Variants in GPC5 observed in about 807,000 individuals in gnomAD.
GPC5 encodes glypican 5.
A neutral mutation model predicts 53.9 loss-of-function variants in GPC5; 47 were observed. That is an observed-to-expected ratio of 0.87 (90% CI 0.69 to 1.11). The LOEUF (loss-of-function observed/expected upper bound fraction) is 1.11, where lower values mean the gene tolerates loss of function less well. GPC5 is among the 50% of genes most tolerant of loss of function. GPC5 has a pLI of 0.00. For missense variants in GPC5, 748 were observed against 713.1 expected (o/e 1.05, Z -0.56); for synonymous variants, 286 against 263.3 (o/e 1.09, Z -0.84).
intron 7 of GPC5, among the ~76,000 whole-genome samples, chr13:92,359,271 A>G: frequency 6.6e-6 from 1 of 151,634 alleles, no homozygotes; most frequent in East Asian, 1.9e-4. Context: ...GCATAGCAGG[A>G]ATGACCTTTA....
At position 91,585,983 on chromosome 13, in the gene GPC5, C is replaced by G. The variant is rs1290951498; in HGVS notation, c.326-107204C>G. On this transcript the variant is annotated intron_variant, in intron 2 of 7. Coordinates refer to ENST00000377067, the MANE Select transcript of GPC5 (RefSeq NM_004466.6). ...TCAGAACTTATTAACATCAGTGTTA[C>G]TGAAGTTGGTGTACAACCCCCCACC... Among the ~76,000 whole-genome samples the G allele has an allele frequency of 2.6e-5, 4 of 151,422 alleles. No individual in the cohort carries two copies. In the East Asian group the frequency reaches 5.8e-4, roughly 22 times the overall value.
intron 6 of GPC5, among the ~76,000 whole-genome samples, chr13:92,110,869 T>G (rs1052915874): frequency 6.6e-6 from 1 of 152,206 alleles, no homozygotes; most frequent in Non-Finnish European, 1.5e-5. Context: ...TTTCTTTCGA[T>G]GTCCTGATTC....
At chr13:92,064,764 A>AAAAAAAAAAAAAAAAAAAAAC (rs1555308147) in intron 6 of GPC5, among the ~76,000 whole-genome samples, 12 of 138,366 alleles carry the variant, frequency 8.7e-5, no homozygotes, top group East Asian at 4.2e-4. Flanking sequence ...CTCAAAAAAA[A>AAAAAAAAAAAAAAAAAAAAAC]AAAACAAAAC....
At chr13:92,812,278 G>A (rs1172058658) in intron 7 of GPC5, among the ~76,000 whole-genome samples, 3 of 151,670 alleles carry the variant, frequency 2.0e-5, no homozygotes, top group East Asian at 1.9e-4. Flanking sequence ...ATAGTTTTTA[G>A]TATACAGTGT....
intron 6 of GPC5, among the ~76,000 whole-genome samples, chr13:92,116,229 CAG>C (rs2041599632): frequency 6.6e-6 from 1 of 151,320 alleles, no homozygotes; most frequent in African/African-American, 2.4e-5. Flanking sequence ...GCCTGGGTGA[CAG>C]AGCGAGACCC....
intron 7 of GPC5, among the ~76,000 whole-genome samples, chr13:92,349,962 G>T (rs1221368417): frequency 2.6e-5 from 4 of 152,100 alleles, no homozygotes; most frequent in African/African-American, 4.8e-5. Context: ...TATCCTTGAT[G>T]AACATAGACA....
At chr13:92,228,503 TA>T (rs1594016421) in intron 7 of GPC5, among the ~76,000 whole-genome samples, 1 of 152,140 alleles carries the variant, frequency 6.6e-6, no homozygotes, top group East Asian at 1.9e-4. Flanking sequence ...ACGAATTATC[TA>T]GGAAATACTA....
At chr13:92,827,291 AT>A (rs1037437064) in intron 7 of GPC5, among the ~76,000 whole-genome samples, 4 of 152,120 alleles carry the variant, frequency 2.6e-5, no homozygotes, top group African/African-American at 9.7e-5. Flanking sequence ...TTGAAAGACG[AT>A]TTTTTTAAAA....
At chr13:91,803,779 C>T (rs7981451) in intron 5 of GPC5, among the ~76,000 whole-genome samples, 7,329 of 121,760 alleles carry the variant, frequency 0.06, 370 homozygotes, top group East Asian at 0.38. Flanking sequence ...GACAGACAGA[C>T]AGACACACAC....
intron 2 of GPC5, among the ~76,000 whole-genome samples, chr13:91,690,333 GT>G (rs2035731068): frequency 6.6e-6 from 1 of 151,426 alleles, no homozygotes; most frequent in Non-Finnish European, 1.5e-5. Context: ...TGGTTGTTTT[GT>G]TTTAAAGAAT....
At chr13:92,672,850 A>G (rs564124412) in intron 7 of GPC5, among the ~76,000 whole-genome samples, 60 of 152,308 alleles carry the variant, frequency 3.9e-4, no homozygotes, top group South Asian at 2.1e-3. Flanking sequence ...ACATGGACAC[A>G]TAGAGGGGAA....
chr13:92,758,408 T>A (rs1875000939), intron 7 of GPC5, among the ~76,000 whole-genome samples: 1 of 151,724 alleles, frequency 6.6e-6, no homozygotes, highest in Non-Finnish European at 1.5e-5. Flanking sequence ...CGCACCAGCA[T>A]GGCACATGTA....
intron 2 of GPC5, among the ~76,000 whole-genome samples, chr13:91,456,236 C>T (rs944048832): frequency 6.6e-6 from 1 of 152,036 alleles, no homozygotes; most frequent in Non-Finnish European, 1.5e-5. Flanking sequence ...AACAATTTTT[C>T]CAAACCAAAC....
chr13:92,514,357 A>G (rs1433005727), intron 7 of GPC5, among the ~76,000 whole-genome samples: 1 of 152,102 alleles, frequency 6.6e-6, no homozygotes, highest in African/African-American at 2.4e-5. Context: ...TGTTCTAGAG[A>G]ACGCTGAATA....
intron 1 of GPC5, among the ~76,000 whole-genome samples, chr13:91,446,526 T>C (rs183060714): frequency 1.1e-4 from 16 of 152,322 alleles, no homozygotes; most frequent in South Asian, 4.1e-4. Context: ...AAGCCAGGCA[T>C]TGAAATCTTC....
intron 7 of GPC5, among the ~76,000 whole-genome samples, chr13:92,652,402 C>A (rs984010171): frequency 2.6e-5 from 4 of 152,084 alleles, no homozygotes; most frequent in African/African-American, 4.8e-5. Flanking sequence ...CTTTTAGTTA[C>A]CCTGTATTTT....
intron 7 of GPC5, among the ~76,000 whole-genome samples, chr13:92,837,453 T>C (rs1390949834): frequency 3.3e-5 from 5 of 152,136 alleles, no homozygotes; most frequent in Admixed American, 3.3e-4. Context: ...ATAGCAGATT[T>C]AACTTGCCCT....
chr13:92,286,328 C>T (rs549463425), intron 7 of GPC5, among the ~76,000 whole-genome samples: 170 of 152,232 alleles, frequency 1.1e-3, no homozygotes, highest in African/African-American at 3.7e-3. Flanking sequence ...GACAGTGTGG[C>T]GACTCCTCAA....
chr13:91,508,876 C>G (rs1885087364), intron 2 of GPC5, among the ~76,000 whole-genome samples: 1 of 152,134 alleles, frequency 6.6e-6, no homozygotes, highest in African/African-American at 2.4e-5. Flanking sequence ...TGGGCTGGGA[C>G]ATTAAGGAAT....
Sources: allele counts gnomAD v4.1 joint callset (sites outside exome capture counted in the v4.1 genomes callset), GRCh38; gene constraint gnomAD v4.1.1; transcripts MANE v1.5; gene names NCBI Gene and HGNC (gene_info 2026-07-23, HGNC 2026-07-21).